The following VWF variants were observed in gnomAD, a reference collection of about 807,000 sequenced individuals.
The protein encoded by VWF is von Willebrand factor.
In VWF, 176 loss-of-function variants were observed where a neutral mutation model predicts 308.6. The ratio of observed to expected loss-of-function variants is 0.57; its 90% CI spans 0.50 to 0.65. The LOEUF (loss-of-function observed/expected upper bound fraction) is 0.65. Ranked by LOEUF, VWF falls within the 30% of genes least tolerant of loss-of-function variation. VWF has a pLI of 0.00. For synonymous variants in VWF, 1,385 were observed against 1,443.4 expected, an observed-to-expected ratio of 0.96 and a Z score of 0.92; for missense variants, 3,146 against 3,648.2, an observed-to-expected ratio of 0.86 and a Z score of 3.55.
At chr12:6,033,099 C>CT (rs1944291592) in intron 20 of VWF, among the ~76,000 whole-genome samples, 1 of 152,212 alleles carries the variant, frequency 6.6e-6, no homozygotes, top group African/African-American at 2.4e-5. Flanking sequence ...AATCTGACCT[C>CT]TAAGATTCCA....
At chr12:5,956,640 C>T (rs1478136236) in intron 47 of VWF, among the ~76,000 whole-genome samples, 3 of 122,172 alleles carry the variant, frequency 2.5e-5, no homozygotes, top group African/African-American at 9.8e-5. Context: ...GACCCTGTCT[C>T]GAAAAAAAAA....
chr12:5,969,517 C>A, intron 44 of VWF, 126 bp from the exon 45 acceptor site: 1 of 1,149,592 alleles, frequency 8.7e-7, no homozygotes, highest in East Asian at 2.5e-5. Context: ...ATGTAAGTCC[C>A]ACCACAGGGT....
At chr12:6,092,908 A>G (rs903802370) in intron 6 of VWF, among the ~76,000 whole-genome samples, 6 of 151,940 alleles carry the variant, frequency 3.9e-5, no homozygotes, top group African/African-American at 9.7e-5. Flanking sequence ...GAATATTCAT[A>G]GCTCCTCCCA....
Position 6,066,664 on chromosome 12 carries a change from G to T in VWF, c.1157-1391C>A, listed in dbSNP as rs545316212. Among the ~76,000 whole-genome samples the T allele has an allele frequency of 2.6e-5, 4 of 152,338 alleles. No individual in the cohort carries two copies. In the South Asian group the frequency reaches 6.2e-4, roughly 24 times the overall value. On this transcript the variant is annotated intron_variant, in intron 10 of 51. Coordinates refer to ENST00000261405, the MANE Select transcript of VWF (RefSeq NM_000552.5). ...AACGTTGGAAAGACAAATGTAAGAG[G>T]GTCCTACAGACCATCCTATGTGGGC...
At chr12:5,994,310 G>A (rs1280930227) in intron 36 of VWF, 105 bp downstream of exon 36, 25 of 1,588,460 alleles carry the variant, frequency 1.6e-5, no homozygotes, top group Middle Eastern at 3.3e-4. Flanking sequence ...TCTGACCCTC[G>A]CTACTAGACC....
intron 18 of VWF, among the ~76,000 whole-genome samples, chr12:6,038,030 A>G (rs1323458726): frequency 2.0e-5 from 3 of 152,184 alleles, no homozygotes; most frequent in African/African-American, 4.8e-5. Flanking sequence ...AGTGCAGGGC[A>G]TAAGATGCAG....
At chr12:5,977,213 C>G (rs1943542569) in intron 42 of VWF, among the ~76,000 whole-genome samples, 1 of 152,152 alleles carries the variant, frequency 6.6e-6, no homozygotes, top group Admixed American at 6.5e-5. Context: ...TAATTTGACC[C>G]AGAATCTCAC....
intron 16 of VWF, among the ~76,000 whole-genome samples, chr12:6,048,089 A>G (rs1282300088): frequency 6.6e-6 from 1 of 152,148 alleles, no homozygotes; most frequent in Non-Finnish European, 1.5e-5. Context: ...CAGATGTCTA[A>G]TTTTTCCAGT....
chr12:6,080,337 C>A (rs1219721188), intron 6 of VWF, among the ~76,000 whole-genome samples: 6 of 152,262 alleles, frequency 3.9e-5, no homozygotes, highest in Non-Finnish European at 7.3e-5. Context: ...CAGCTCTTAA[C>A]TGGCATTCAA....
Position 6,056,891 on chromosome 12 carries a change from G to C in VWF, c.1911C>G (p.Gly637=). 6.6e-7 allele frequency: 1 copy of C among 1,512,522 alleles called. No homozygotes were observed. Among genetic ancestry groups the C allele is most frequent in the Non-Finnish European group, 8.8e-7 (1 of 1,137,826 alleles). 93.7% of individuals were successfully genotyped at this position (1,512,522 alleles called of 1,614,324 possible). A position where few individuals can be genotyped will look rare whatever the true frequency, so the allele number is the denominator to read the frequency against. ...ASYAAACAGR[G]VRVAWREPGR... ...CTGGCTCGCGCCACGCGACGCGCACGCCTCTCCCCGCGCAGGCCGCGGCAT... is the reference window on the plus strand; with the variant it reads ...CTGGCTCGCGCCACGCGACGCGCACCCCTCTCCCCGCGCAGGCCGCGGCAT... Residue 637 remains glycine (G), a synonymous_variant, in exon 15 of 52, where the codon GGC becomes GGG. Transcript: ENST00000261405.
At chr12:6,114,090 A>C (rs571299687) in intron 3 of VWF, among the ~76,000 whole-genome samples, 14 of 152,300 alleles carry the variant, frequency 9.2e-5, no homozygotes, top group African/African-American at 3.4e-4. Context: ...TAACTCAACC[A>C]ATATGTCACC....
At chr12:6,011,889 C>T (rs956712687) in intron 33 of VWF, 95 bp from the exon 34 acceptor site, 17 of 1,387,836 alleles carry the variant, frequency 1.2e-5, no homozygotes, top group Non-Finnish European at 1.6e-5. Flanking sequence ...GAATTGAACA[C>T]AGGCCTACAC....
At chr12:6,017,418 A>C (rs1944075626) in intron 28 of VWF, among the ~76,000 whole-genome samples, 1 of 152,266 alleles carries the variant, frequency 6.6e-6, no homozygotes, top group African/African-American at 2.4e-5. Flanking sequence ...ATATTACAAG[A>C]ATTTAAATAA....
At chr12:6,103,491 TGTATACACACACGTATATATATAC>T (rs1299947459) in intron 5 of VWF, among the ~76,000 whole-genome samples, 1,464 of 126,590 alleles carry the variant, frequency 0.012, 99 homozygotes, top group African/African-American at 0.051. Context: ...TACATATATG[TGTATACACACACGTATATATATAC>T]ACACATATGT....
chr12:6,010,046 C>G (rs1943975545), intron 34 of VWF, among the ~76,000 whole-genome samples: 1 of 152,148 alleles, frequency 6.6e-6, no homozygotes, highest in African/African-American at 2.4e-5. Flanking sequence ...TTCTAGAGAT[C>G]TGCTGTACAA....
chr12:6,068,443 C>T (rs1259000142), intron 10 of VWF, among the ~76,000 whole-genome samples: 1 of 152,120 alleles, frequency 6.6e-6, no homozygotes, highest in South Asian at 2.1e-4. Flanking sequence ...AAGCCTGCAA[C>T]ATAATCTCTA....
intron 21 of VWF, 107 bp downstream of exon 21, chr12:6,031,337 T>G (rs1591871595): frequency 1.3e-6 from 2 of 1,587,374 alleles, no homozygotes; most frequent in Non-Finnish European, 1.7e-6. Flanking sequence ...TTAATGGCTG[T>G]GCGTTATTCC....
intron 18 of VWF, among the ~76,000 whole-genome samples, chr12:6,038,794 T>G (rs1944366300): frequency 6.6e-6 from 1 of 151,996 alleles, no homozygotes; most frequent in South Asian, 2.1e-4. Flanking sequence ...TGGTGTGGAG[T>G]TAGGTCATAA....
rs749101961 is a variant in VWF at position 6,110,582 on chromosome 12, T to C, written c.324A>G (p.Arg108=). ...CTTTGGAGGCATAGGGCATGGAGAC[T>C]CTGGAGGGCAAAGGCTAAGTTCAGA... ...VNGTVTQGDQ[R]VSMPYASKGL... is the part of the protein sequence containing the mutation. Residue 108 remains arginine (R), a splice_region_variant and synonymous_variant, in exon 5 of 52, where the codon AGA becomes AGG. Transcript: ENST00000261405. 1.2e-6 allele frequency: 2 copies of C among 1,614,134 alleles called. No individual in the cohort carries two copies. Among genetic ancestry groups the C allele is most frequent in the Middle Eastern group, 3.3e-4 (2 of 6,050 alleles).
Sources: gnomAD v4.1 joint callset for allele counts (sites outside exome capture counted in the v4.1 genomes callset) on GRCh38, gnomAD v4.1.1 for gene constraint, MANE v1.5 for transcripts, NCBI Gene and HGNC (gene_info 2026-07-23, HGNC 2026-07-21) for gene names.